Variants in ZNF180 observed in about 807,000 individuals in gnomAD.
ZNF180 encodes the protein zinc finger protein 180 (HHZ168).
Under a neutral mutation model 11.8 loss-of-function variants are expected in ZNF180, and 11 were observed. The observed-to-expected ratio is 0.93, with a 90% CI of 0.59 to 1.55. The LOEUF (loss-of-function observed/expected upper bound fraction) is 1.55. ZNF180 is among the 40% of genes most tolerant of loss of function. ZNF180 has a pLI of 0.00. For missense variants in ZNF180, 773 were observed against 781.7 expected, an observed-to-expected ratio of 0.99 and a Z score of 0.13; for synonymous variants, 287 against 257.7, an observed-to-expected ratio of 1.11 and a Z score of -1.09.
In ZNF180 at chr19:44,476,420, T is replaced by C. The variant is rs760868925; in HGVS notation, c.1980A>G (p.Lys660=). The part of the protein sequence containing the change: ...IRHQATHTEE[K]LYECN ...TTACAAACTAGTTACATTCATAGAG[T>C]TTCTCTTCAGTATGAGTTGCCTGAT... The change falls in exon 5 of 5, where the codon AAA becomes AAG. Residue 660 remains lysine, a synonymous_variant. Transcript: ENST00000592529. 6.3e-7 allele frequency: 1 copy of C among 1,590,064 alleles called. No individual in the cohort carries two copies. The highest frequency in any genetic ancestry group is 1.8e-5 in the Admixed American group (1 of 56,210).
Position 44,477,291 on chromosome 19 carries a change from A to C in ZNF180, c.1109T>G (p.Val370Gly). The C allele has an allele frequency of 6.2e-7, 1 of 1,613,424 alleles. No homozygotes were observed. The highest frequency in any genetic ancestry group is 1.3e-5 in the African/African-American group (1 of 75,000). ...GKSFSRSSHL[V>G]SHQRTHTGEK... Reference sequence around the variant, plus strand: ...TCCAGTATGAGTTCTCTGATGGGAAACAAGGTGCGAGCTCCGGCTGAAGGA... The same window carrying C: ...TCCAGTATGAGTTCTCTGATGGGAACCAAGGTGCGAGCTCCGGCTGAAGGA... Residue 370 changes from valine (V) to glycine (G), a missense_variant, in exon 5 of 5, where the codon GTT (valine) becomes GGT (glycine). Physicochemically the swap from Val to Gly is moderately radical, Grantham distance 109. Transcript: ENST00000592529.
chr19:44,497,325 G>T lies in ZNF180; in HGVS notation c.10C>A (p.Gln4Lys). MEE[Q>K]DEKPPEPPKV... is the part of the protein sequence containing the mutation. ...GGGGGCTCTGGGGGCTTCTCATCCT[G>T]CTCTTCCATGCTCTCCTCCAGGCAC... The change falls in exon 2 of 5, where the codon CAG becomes AAG. Residue 4 changes from glutamine to lysine, a missense_variant. Physicochemically the swap from Gln to Lys is moderately conservative, Grantham distance 53. Coordinates refer to ENST00000592529, the MANE Select transcript of ZNF180 (RefSeq NM_001278509.3). 6.3e-7 allele frequency: 1 copy of T among 1,596,290 alleles called. No homozygotes were observed. The highest frequency in any genetic ancestry group is 8.5e-7 in the Non-Finnish European group (1 of 1,174,158).
intron 2 of ZNF180, among the ~76,000 whole-genome samples, chr19:44,487,173 T>G (rs913538821): frequency 6.6e-6 from 1 of 152,308 alleles, no homozygotes; most frequent in Admixed American, 6.5e-5. Flanking sequence ...GTGTGTCAAT[T>G]TTTTCTCCTT....
intron 2 of ZNF180, among the ~76,000 whole-genome samples, chr19:44,487,780 G>A (rs1002501175): frequency 2.0e-5 from 3 of 152,180 alleles, no homozygotes; most frequent in Non-Finnish European, 4.4e-5. Context: ...AGGCTGGAGT[G>A]CAGTGGCATG....
In ZNF180 at chr19:44,479,338, C is replaced by T. The variant is rs1970017102; in HGVS notation, c.198G>A (p.Gln66=). The T allele has an allele frequency of 1.2e-6, 2 of 1,614,082 alleles. No individual in the cohort carries two copies. The highest frequency in any genetic ancestry group is 4.5e-5 in the East Asian group (2 of 44,872). ...GGATCACATCTCTGTCCAGGGTCCT[C>T]TGAGCAGGGTTGCAAGTACCCTGTT... ...REEQGTCNPA[Q]RTLDRDVILE... is the part of the protein sequence containing the mutation. Residue 66 remains glutamine, a synonymous_variant, in exon 4 of 5, where the codon CAG becomes CAA. Transcript: ENST00000592529.
rs1336590773 is a variant in ZNF180, at chr19:44,488,158, T to C, written c.52-3723A>G. Reference sequence around the variant, plus strand: ...TTTCCACGGTCTCCCTCTCCCTCTCTTTCCACGGTCTCCCTCTCCTTCTCT... The same window carrying C: ...TTTCCACGGTCTCCCTCTCCCTCTCCTTCCACGGTCTCCCTCTCCTTCTCT... On this transcript the variant is annotated intron_variant, in intron 2 of 4. Transcript: ENST00000592529. Among the ~76,000 whole-genome samples, 17 of 91,698 alleles carry C rather than the reference T, an allele frequency of 1.9e-4. No homozygotes were observed. In the East Asian group the frequency reaches 2.0e-3, roughly 11 times the overall value. 60.2% of individuals were successfully genotyped at this position (91,698 alleles called of 152,430 possible). A position where few individuals can be genotyped will look rare whatever the true frequency, so the allele number is the denominator to read the frequency against.
intron 2 of ZNF180, among the ~76,000 whole-genome samples, chr19:44,491,309 C>T (rs749153573): frequency 1.5e-4 from 23 of 152,256 alleles, no homozygotes; most frequent in Non-Finnish European, 2.8e-4. Context: ...CTGCTCCCAA[C>T]TTACTCTTAC....
At chr19:44,483,908 T>C (rs1202171807) in intron 3 of ZNF180, among the ~76,000 whole-genome samples, 2 of 152,154 alleles carry the variant, frequency 1.3e-5, no homozygotes, top group Non-Finnish European at 2.9e-5. Context: ...TCCTTGAAGT[T>C]TTCACTTTCT....
intron 2 of ZNF180, among the ~76,000 whole-genome samples, chr19:44,490,326 T>C (rs957228738): frequency 6.6e-6 from 1 of 152,190 alleles, no homozygotes. Flanking sequence ...CTAAACTGCC[T>C]TGAAATTGCT....
Position 44,476,906 on chromosome 19 carries a change from C to A in ZNF180, c.1494G>T (p.Gln498His). The A allele has an allele frequency of 6.2e-7, 1 of 1,613,942 alleles. No individual in the cohort carries two copies. ...AGCTCCAGCTGAAGGATTTCCCACACTGATTACATTCAAAGGGTTTTTCTC... is the reference window on the plus strand; with the variant it reads ...AGCTCCAGCTGAAGGATTTCCCACAATGATTACATTCAAAGGGTTTTTCTC... Reference protein sequence around the residue: ...HTGEKPFECNQCGKSFSWSSQ... With the variant: ...HTGEKPFECNHCGKSFSWSSQ... Residue 498 changes from glutamine (Q) to histidine (H), a missense_variant, in exon 5 of 5, where the codon CAG (glutamine) becomes CAT (histidine). Gln to His is a conservative substitution (Grantham distance 24). Coordinates refer to ENST00000592529, the MANE Select transcript of ZNF180 (RefSeq NM_001278509.3).
Position 44,477,448 on chromosome 19 carries a change from T to G in ZNF180, c.952A>C (p.Arg318=), listed in dbSNP as rs771458308. Residue 318 remains arginine (R), a synonymous_variant, in exon 5 of 5, where the codon AGA becomes CGA. Transcript: ENST00000592529. ...SHSSSLTQNM[R]NNSEEKPFEC... The stretch of plus-strand genomic sequence containing the variant: ...AAAGGTTTCTCTTCAGAATTATTTC[T>G]CATGTTTTGAGTAAGGGAGGAACTA... 2.5e-6 allele frequency: 4 copies of G among 1,614,142 alleles called. No individual in the cohort carries two copies. Among genetic ancestry groups the G allele is most frequent in the Non-Finnish European group, 3.4e-6 (4 of 1,179,992 alleles).
At chr19:44,490,158 T>C (rs58300963) in intron 2 of ZNF180, among the ~76,000 whole-genome samples, 11 of 64,782 alleles carry the variant, frequency 1.7e-4, no homozygotes, top group African/African-American at 7.7e-4. Context: ...AAAAAGGAAA[T>C]AGGAGAAGGG....
In ZNF180 at chr19:44,480,820, G is replaced by A. The variant is rs73038409; in HGVS notation, c.127-1411C>T. On this transcript the variant is annotated intron_variant, in intron 3 of 4. Coordinates refer to ENST00000592529, the MANE Select transcript of ZNF180 (RefSeq NM_001278509.3). ...TAGAATTTTCCACTTGTGGCATTATGCTGGGGCTCCAAAACCTTCCAATTT... is the reference window on the plus strand; with the variant it reads ...TAGAATTTTCCACTTGTGGCATTATACTGGGGCTCCAAAACCTTCCAATTT... Among the ~76,000 whole-genome samples the A allele has an allele frequency of 3.3e-4, 50 of 152,272 alleles. 1 individual carries two copies. The highest frequency in any genetic ancestry group is 1.0e-3 in the African/African-American group (42 of 41,546).
At chr19:44,482,475 AAAG>A (rs1285004433) in intron 3 of ZNF180, among the ~76,000 whole-genome samples, 2 of 151,988 alleles carry the variant, frequency 1.3e-5, no homozygotes, top group South Asian at 2.1e-4. Context: ...TCTCAGCATC[AAAG>A]AAGGAGTGCA....
rs573868582 is a variant in ZNF180 at position 44,475,370 on chromosome 19, T to C, written c.*1032A>G. 1 of 150,322 alleles carries C rather than the reference T, an allele frequency of 6.7e-6. No individual in the cohort carries two copies. The highest frequency in any genetic ancestry group is 2.5e-5 in the African/African-American group (1 of 39,722). The allele number at this position is 150,322 out of a possible 1,614,324, so 9.3% of individuals were successfully genotyped here. A position where few individuals can be genotyped will look rare whatever the true frequency, so the allele number is the denominator to read the frequency against. ...TGAAAATAGAGTTCCTTAATATTGC[T>C]TTGCATATATGAAAATAAGCCCACT... On this transcript the variant is annotated 3_prime_UTR_variant, in exon 5 of 5. Coordinates refer to ENST00000592529, the MANE Select transcript of ZNF180 (RefSeq NM_001278509.3).
chr19:44,500,015 C>T (rs143609400), intron 1 of ZNF180, among the ~76,000 whole-genome samples: 1 of 152,318 alleles, frequency 6.6e-6, no homozygotes, highest in African/African-American at 2.4e-5. Context: ...ATGCATGTGC[C>T]CTGTGTTCCA....
chr19:44,478,684 C>G (rs190086575), intron 4 of ZNF180, among the ~76,000 whole-genome samples: 2 of 152,310 alleles, frequency 1.3e-5, no homozygotes, highest in East Asian at 3.9e-4. Context: ...ACCAATAAAG[C>G]CCCACAAATT....
At chr19:44,497,131 A>C (rs1970608693) in intron 2 of ZNF180, among the ~76,000 whole-genome samples, 153 bp downstream of exon 2, 1 of 152,118 alleles carries the variant, frequency 6.6e-6, no homozygotes, top group Non-Finnish European at 1.5e-5. Context: ...TAGCAGGGAG[A>C]TTCATAAAAT....
intron 2 of ZNF180, among the ~76,000 whole-genome samples, chr19:44,489,962 G>T (rs1970390351): frequency 8.7e-6 from 1 of 115,492 alleles, no homozygotes; most frequent in Non-Finnish European, 1.8e-5. Flanking sequence ...GGAAAAGAAA[G>T]AAAGAAAAGA....
Sources: gnomAD v4.1 joint callset for allele counts (sites outside exome capture counted in the v4.1 genomes callset) on GRCh38, gnomAD v4.1.1 for gene constraint, MANE v1.5 for transcripts, NCBI Gene and HGNC (gene_info 2026-07-23, HGNC 2026-07-21) for gene names.